Variants in ARHGAP30 observed in about 807,000 individuals in gnomAD.
ARHGAP30 encodes rho GTPase-activating protein 30.
A neutral mutation model predicts 72.0 loss-of-function variants in ARHGAP30; 23 were observed. The observed-to-expected ratio is 0.32, with a 90% CI of 0.23 to 0.45. ARHGAP30 has a LOEUF of 0.45. ARHGAP30 is among the 20% of genes least tolerant of loss of function. The pLI, the probability that ARHGAP30 is intolerant of heterozygous loss-of-function variation, is 1.00. For synonymous variants in ARHGAP30, 576 were observed against 528.2 expected (o/e 1.09, Z -1.24); for missense variants, 1,319 against 1,383.4 (o/e 0.95, Z 0.74).
chr1:161,048,194 TG>T lies in ARHGAP30; in HGVS notation c.2826del (p.Lys943SerfsTer61). 6.2e-7 allele frequency: 1 copy of T among 1,614,122 alleles called. No homozygotes were observed. The highest frequency in any genetic ancestry group is 8.5e-7 in the Non-Finnish European group (1 of 1,180,010). On this transcript the variant is annotated frameshift_variant, in exon 12 of 12. Coordinates refer to ENST00000368013, the MANE Select transcript of ARHGAP30 (RefSeq NM_001025598.2). LOFTEE classifies it high-confidence loss of function. Reference sequence around the variant, plus strand: ...CTGGGCATCTTGGCAAACTGTGGCTTGGGGGGCACCACAGGCACAGAGCGGA... The same window carrying T: ...CTGGGCATCTTGGCAAACTGTGGCTTGGGGGCACCACAGGCACAGAGCGGA... Reference protein sequence around the residue: ...QQVRSVPVVPPKPQFAKMPSA... With the variant: ...QQVRSVPVVPXKPQFAKMPSA...
intron 2 of ARHGAP30, 83 bp from the exon 3 acceptor site, chr1:161,056,615 C>T: frequency 1.4e-6 from 2 of 1,476,296 alleles, no homozygotes; most frequent in Admixed American, 2.0e-5. Flanking sequence ...TGGGTCCCGG[C>T]ATGGTCGTGG....
chr1:161,053,891 C>A (rs1651631689), intron 5 of ARHGAP30, among the ~76,000 whole-genome samples: 1 of 152,058 alleles, frequency 6.6e-6, no homozygotes, highest in Non-Finnish European at 1.5e-5. Flanking sequence ...CATGGTGAAA[C>A]CCCTTCTCTC....
chr1:161,067,675 G>A (rs547170697), intron 1 of ARHGAP30, among the ~76,000 whole-genome samples: 1 of 152,288 alleles, frequency 6.6e-6, no homozygotes, highest in Non-Finnish European at 1.5e-5. Context: ...GACCCATGTG[G>A]GGGCAAAGAG....
chr1:161,060,284 A>G (rs1205818528), intron 1 of ARHGAP30: 10 of 409,762 alleles, frequency 2.4e-5, no homozygotes, highest in Middle Eastern at 8.0e-4. Flanking sequence ...AAAAAAAAAG[A>G]AAGAGAAAGA....
rs1281939252 is a variant in ARHGAP30 at position 161,051,432 on chromosome 1, G to T, written c.1302C>A (p.Ile434=). The change falls in exon 10 of 12, where the codon ATC becomes ATA. Residue 434 remains isoleucine, a synonymous_variant. Coordinates refer to ENST00000368013, the MANE Select transcript of ARHGAP30 (RefSeq NM_001025598.2). The part of the protein sequence containing the change: ...ITSILSVPPN[I]ISNVSLARLT... ...GCCTGGCCAAGGAAACGTTAGAGAT[G>T]ATGTTCGGGGGCACACTGAGGATAG... The T allele has an allele frequency of 9.3e-6, 15 of 1,614,128 alleles. No homozygotes were observed. The highest frequency in any genetic ancestry group is 1.2e-5 in the Non-Finnish European group (14 of 1,180,058).
chr1:161,061,246 A>G (rs913362187), intron 1 of ARHGAP30, among the ~76,000 whole-genome samples: 1 of 151,288 alleles, frequency 6.6e-6, no homozygotes, highest in Non-Finnish European at 1.5e-5. Context: ...GCTCACTGCA[A>G]CCTCCACCTC....
rs766917624 is a variant in ARHGAP30 at position 161,069,342 on chromosome 1, G to A, written c.97+186C>T. ...CCCCAGAAAGTTACACAAGGGAGCC[G>A]CCCTGCCTTCTTCACTGAGCCACAT... On this transcript the variant is annotated intron_variant, in intron 1 of 11. Coordinates refer to ENST00000368013, the MANE Select transcript of ARHGAP30 (RefSeq NM_001025598.2). This position sits in a 1 kb window ranked among gnomAD's most constrained non-coding sequence, Gnocchi z 4.9. Among the ~76,000 whole-genome samples the A allele has an allele frequency of 1.1e-4, 17 of 151,980 alleles. No homozygotes were observed. Among genetic ancestry groups the A allele is most frequent in the Admixed American group, 3.9e-4 (6 of 15,258 alleles).
chr1:161,065,442 G>A (rs1281042087), intron 1 of ARHGAP30, among the ~76,000 whole-genome samples: 3 of 152,190 alleles, frequency 2.0e-5, no homozygotes, highest in Non-Finnish European at 4.4e-5. Context: ...TTTAGGTTTT[G>A]AAAGTCATTC....
chr1:161,051,512 C>T lies in ARHGAP30; in HGVS notation c.1222G>A (p.Ala408Thr). 2.5e-6 allele frequency: 4 copies of T among 1,614,208 alleles called. No individual in the cohort carries two copies. Among genetic ancestry groups the T allele is most frequent in the Non-Finnish European group, 3.4e-6 (4 of 1,180,040 alleles). The change falls in exon 10 of 12, where the codon GCT becomes ACT. Residue 408 changes from alanine to threonine, a missense_variant. This residue lies in a region of ARHGAP30 where 1,097 missense variants were observed against 1,045.2 expected (regional missense o/e 1.05). Coordinates refer to ENST00000368013, the MANE Select transcript of ARHGAP30 (RefSeq NM_001025598.2). ...AGGSSRAERC[A>T]GVHISDPYNV... ...TAGGGGTCTGAGATGTGGACACCAGCACAGCGTTCTGCACGGCTGCTGCCC... is the reference window on the plus strand; with the variant it reads ...TAGGGGTCTGAGATGTGGACACCAGTACAGCGTTCTGCACGGCTGCTGCCC...
At chr1:161,055,886 T>TAAATA (rs796072565) in intron 3 of ARHGAP30, among the ~76,000 whole-genome samples, 2,505 of 55,110 alleles carry the variant, frequency 0.045, 63 homozygotes, top group Admixed American at 0.078. Flanking sequence ...AAAATAAAAA[T>TAAATA]AAATAAAATA....
Position 161,048,192 on chromosome 1 carries a change from C to T in ARHGAP30, c.2829G>A (p.Lys943=), listed in dbSNP as rs1651019453. The change falls in exon 12 of 12, where the codon AAG becomes AAA. Residue 943 remains lysine (K), a synonymous_variant. Transcript: ENST00000368013. ...QVRSVPVVPP[K]PQFAKMPSAM... ...CACTGGGCATCTTGGCAAACTGTGG[C>T]TTGGGGGGCACCACAGGCACAGAGC... 2 of 1,614,088 alleles carry T rather than the reference C, an allele frequency of 1.2e-6. No individual in the cohort carries two copies. The highest frequency in any genetic ancestry group is 2.7e-5 in the African/African-American group (2 of 74,938).
Position 161,051,325 on chromosome 1 carries a change from G to GGGCCAA in ARHGAP30, c.1403_1408dup (p.Leu468_Gly469dup). 1 of 1,600,158 alleles carries GGGCCAA rather than the reference G, an allele frequency of 6.2e-7. No homozygotes were observed. Among genetic ancestry groups the GGGCCAA allele is most frequent in the Non-Finnish European group, 8.5e-7 (1 of 1,172,472 alleles). On this transcript the variant is annotated inframe_insertion, in exon 10 of 12. Coordinates refer to ENST00000368013, the MANE Select transcript of ARHGAP30 (RefSeq NM_001025598.2). ...CAATGGGTCCTCACCTGGGGGGCCA[G>GGGCCAA]GGCCAAGGCCAGGGCCAGGGCCAGG...
rs1429262782 is a variant in ARHGAP30, at chr1:161,049,478, C to T, written c.1632G>A (p.Gly544=). 3 of 1,613,972 alleles carry T rather than the reference C, an allele frequency of 1.9e-6. No homozygotes were observed. The highest frequency in any genetic ancestry group is 2.2e-5 in the South Asian group (2 of 91,088). ...GGTAGCCCATCCCAGGGTCGTCCTC[C>T]CCAGGGGAGAAGGCTGCTCCTGCTG... ...AEAAGAAFSP[G]EDDPGMGYLE... The change falls in exon 11 of 12, where the codon GGG becomes GGA. Residue 544 remains glycine, a synonymous_variant. Coordinates refer to ENST00000368013, the MANE Select transcript of ARHGAP30 (RefSeq NM_001025598.2).
chr1:161,051,225 C>T (rs970403327), intron 10 of ARHGAP30, 89 bp downstream of exon 10: 10 of 1,493,314 alleles, frequency 6.7e-6, no homozygotes, highest in Non-Finnish European at 8.9e-6. Context: ...GAGGCCTCTG[C>T]CCTTCCTAGG....
chr1:161,061,903 C>T (rs1652337650), intron 1 of ARHGAP30, among the ~76,000 whole-genome samples: 1 of 152,166 alleles, frequency 6.6e-6, no homozygotes, highest in South Asian at 2.1e-4. Context: ...GCCTGGCCAA[C>T]ATGCTGAAAC....
intron 1 of ARHGAP30, among the ~76,000 whole-genome samples, chr1:161,065,638 T>G (rs757342974): frequency 6.7e-6 from 1 of 150,344 alleles, no homozygotes; most frequent in Non-Finnish European, 1.5e-5. Context: ...GCGATCTCAG[T>G]TCACTGCAAC....
chr1:161,050,183 T>C (rs1651246020), intron 10 of ARHGAP30, among the ~76,000 whole-genome samples: 1 of 152,092 alleles, frequency 6.6e-6, no homozygotes, highest in Non-Finnish European at 1.5e-5. Flanking sequence ...CAATTGCAAA[T>C]TGATTAACCT....
intron 6 of ARHGAP30, 66 bp downstream of exon 6, chr1:161,053,192 A>G: frequency 3.8e-6 from 6 of 1,596,080 alleles, no homozygotes; most frequent in Non-Finnish European, 5.1e-6. Context: ...GGTGATCTTC[A>G]AGGCTCTCTG....
chr1:161,052,936 A>G (rs1354051903), intron 6 of ARHGAP30, 139 bp from the exon 7 acceptor site: 7 of 1,119,634 alleles, frequency 6.3e-6, no homozygotes, highest in Admixed American at 2.8e-5. Context: ...CTCCATGTCC[A>G]TCACCTCAAA....
Sources: allele counts gnomAD v4.1 joint callset (sites outside exome capture counted in the v4.1 genomes callset), GRCh38; gene constraint gnomAD v4.1.1; regional missense constraint gnomAD v4.1.1; non-coding constraint Gnocchi (gnomAD v3.1); transcripts MANE v1.5; gene names NCBI Gene and HGNC (gene_info 2026-07-23, HGNC 2026-07-21).